The following AP3B1 variants were observed in gnomAD, a reference collection of about 807,000 sequenced individuals.
AP3B1 encodes the protein adaptor related protein complex 3 subunit beta 1, also known as AP-3 complex subunit beta-1.
Under a neutral mutation model 132.5 loss-of-function variants are expected in AP3B1, and 61 were observed. The observed-to-expected ratio is 0.46, with a 90% CI of 0.37 to 0.57. The LOEUF is 0.57. Ranked by LOEUF, AP3B1 falls within the 20% of genes least tolerant of loss-of-function variation. AP3B1 has a pLI of 0.00. For missense variants in AP3B1, 1,120 were observed against 1,289.4 expected, an observed-to-expected ratio of 0.87 and a Z score of 2.01; for synonymous variants, 388 against 438.3, an observed-to-expected ratio of 0.89 and a Z score of 1.43.
intron 13 of AP3B1, among the ~76,000 whole-genome samples, chr5:78,161,300 T>A (rs1009803576): frequency 1.3e-5 from 2 of 151,918 alleles, no homozygotes; most frequent in African/African-American, 4.8e-5. Flanking sequence ...AAAATAAAAT[T>A]GAGAAAATTT....
chr5:78,247,601 T>G (rs1371895717), intron 2 of AP3B1, among the ~76,000 whole-genome samples: 2 of 152,022 alleles, frequency 1.3e-5, no homozygotes, highest in Admixed American at 6.6e-5. Context: ...TGTTATGTTC[T>G]TTATCCTAAC....
At chr5:78,157,275 G>A (rs1743188746) in intron 13 of AP3B1, among the ~76,000 whole-genome samples, 1 of 152,184 alleles carries the variant, frequency 6.6e-6, no homozygotes, top group South Asian at 2.1e-4. Flanking sequence ...TTGATAGCCT[G>A]TTAGCTCCAG....
chr5:78,024,534 C>T (rs1368370579), intron 24 of AP3B1, among the ~76,000 whole-genome samples: 2 of 149,996 alleles, frequency 1.3e-5, no homozygotes, highest in Non-Finnish European at 3.0e-5. Flanking sequence ...GGACTACAGG[C>T]ACATGCCACC....
chr5:78,088,586 G>C (rs753359546), intron 22 of AP3B1, among the ~76,000 whole-genome samples: 8 of 152,070 alleles, frequency 5.3e-5, no homozygotes, highest in Non-Finnish European at 8.8e-5. Flanking sequence ...CAGCTCAGAT[G>C]ATCAGTTATA....
At position 78,165,620 on chromosome 5, in the gene AP3B1, C is replaced by T. The variant is rs779980435; in HGVS notation, c.1220G>A (p.Arg407Gln). 1.1e-5 allele frequency: 18 copies of T among 1,608,054 alleles called. No homozygotes were observed. Among genetic ancestry groups the T allele is most frequent in the Middle Eastern group, 1.7e-4 (1 of 6,052 alleles). ...GCACTGTACACAAACCTGAAATTCT[C>T]GAAGAAGAGTTGATATGTTGGCTTC... The part of the protein sequence containing the change: ...ANEANISTLL[R>Q]EFQTYVKSQD... The change falls in exon 12 of 27, where the codon CGA becomes CAA. Residue 407 changes from arginine to glutamine, a missense_variant. This residue lies in a region of AP3B1 where 906 missense variants were observed against 997.1 expected (regional missense o/e 0.91). Coordinates refer to ENST00000255194, the MANE Select transcript of AP3B1 (RefSeq NM_003664.5).
intron 22 of AP3B1, among the ~76,000 whole-genome samples, chr5:78,073,685 A>C (rs1025601080): frequency 4.6e-5 from 7 of 152,190 alleles, no homozygotes; most frequent in African/African-American, 1.7e-4. Flanking sequence ...ATTTTTAAAT[A>C]AATTATATTT....
intron 6 of AP3B1, among the ~76,000 whole-genome samples, chr5:78,219,859 A>T (rs1240201772): frequency 1.3e-5 from 2 of 152,172 alleles, no homozygotes; most frequent in Admixed American, 6.5e-5. Flanking sequence ...TAATAGATCA[A>T]CATCTTTCAA....
At chr5:78,123,518 C>A (rs1182389430) in intron 17 of AP3B1, among the ~76,000 whole-genome samples, 1 of 151,940 alleles carries the variant, frequency 6.6e-6, no homozygotes, top group Admixed American at 6.6e-5. Context: ...ACAAACAACC[C>A]CATCAAAAAG....
intron 7 of AP3B1, among the ~76,000 whole-genome samples, chr5:78,195,698 T>C (rs1405843460): frequency 1.3e-5 from 2 of 152,122 alleles, no homozygotes; most frequent in African/African-American, 4.8e-5. Flanking sequence ...TGCACACCTG[T>C]TATCCCAGCT....
intron 26 of AP3B1, among the ~76,000 whole-genome samples, chr5:78,013,179 G>A (rs1024972047): frequency 6.6e-6 from 1 of 151,998 alleles, no homozygotes; most frequent in African/African-American, 2.4e-5. Context: ...CAAGTAACTG[G>A]GACTACAGGC....
chr5:78,188,604 T>C (rs192779449), intron 7 of AP3B1, among the ~76,000 whole-genome samples: 38 of 152,222 alleles, frequency 2.5e-4, no homozygotes, highest in African/African-American at 9.1e-4. Context: ...TGCGGAGAAA[T>C]AGGAATGCTT....
At chr5:78,118,542 A>G (rs190362042) in intron 17 of AP3B1, among the ~76,000 whole-genome samples, 190 of 152,342 alleles carry the variant, frequency 1.2e-3, no homozygotes, top group East Asian at 7.5e-3. Flanking sequence ...CACCTGGCTC[A>G]GAGGGTCCTA....
At chr5:78,163,000 A>G (rs761267866) in intron 12 of AP3B1, 49 bp from the exon 13 acceptor site, 27 of 1,557,896 alleles carry the variant, frequency 1.7e-5, no homozygotes, top group East Asian at 2.2e-5. Context: ...TATTGAGTTA[A>G]CCAAAACTCC....
intron 6 of AP3B1, among the ~76,000 whole-genome samples, chr5:78,223,593 T>C (rs1046098092): frequency 2.6e-5 from 4 of 152,248 alleles, no homozygotes; most frequent in African/African-American, 9.6e-5. Flanking sequence ...ATTCCAATTT[T>C]ACACAGATAT....
intron 17 of AP3B1, among the ~76,000 whole-genome samples, chr5:78,122,956 T>G (rs544356850): frequency 1.1e-4 from 16 of 152,178 alleles, no homozygotes; most frequent in South Asian, 2.1e-4. Flanking sequence ...ATACTACAAG[T>G]CTACAGTAAC....
At chr5:78,190,373 G>GA (rs929132495) in intron 7 of AP3B1, among the ~76,000 whole-genome samples, 3 of 152,074 alleles carry the variant, frequency 2.0e-5, no homozygotes, top group Admixed American at 2.0e-4. Flanking sequence ...ACCAAGCAGA[G>GA]AAAAAATTGA....
chr5:78,214,267 T>C (rs2112474194), intron 7 of AP3B1, among the ~76,000 whole-genome samples: 1 of 152,260 alleles, frequency 6.6e-6, no homozygotes, highest in South Asian at 2.1e-4. Context: ...GTCCCAATTT[T>C]TCAAATTATC....
intron 7 of AP3B1, among the ~76,000 whole-genome samples, chr5:78,193,747 TA>T (rs1744949636): frequency 1.1e-3 from 30 of 27,104 alleles, no homozygotes; most frequent in African/African-American, 6.0e-3. Context: ...TATTTTTTTA[TA>T]TATATATATA....
At chr5:78,203,477 G>C (rs2112455437) in intron 7 of AP3B1, among the ~76,000 whole-genome samples, 1 of 152,192 alleles carries the variant, frequency 6.6e-6, no homozygotes, top group South Asian at 2.1e-4. Flanking sequence ...ATCTCCACCT[G>C]GTCCCACTCT....
Sources: gnomAD v4.1 joint callset for allele counts (sites outside exome capture counted in the v4.1 genomes callset) on GRCh38, gnomAD v4.1.1 for gene constraint, gnomAD v4.1.1 regional missense constraint, MANE v1.5 for transcripts, NCBI Gene and HGNC (gene_info 2026-07-23, HGNC 2026-07-21) for gene names.